Variants in JAZF1 observed in about 807,000 individuals in gnomAD.
JAZF1 encodes JAZF zinc finger 1.
A neutral mutation model predicts 26.4 loss-of-function variants in JAZF1; 8 were observed. The observed-to-expected ratio is 0.30, with a 90% CI of 0.18 to 0.55. The LOEUF is 0.55. Among genes scored for constraint, JAZF1 ranks in the 20% least tolerant of loss-of-function variants. The pLI is 0.94. For missense variants in JAZF1, 199 were observed against 322.0 expected (o/e 0.62, Z 2.92); for synonymous variants, 126 against 122.3 (o/e 1.03, Z -0.20).
At chr7:28,005,780 T>C (rs1482371547) in intron 1 of JAZF1, among the ~76,000 whole-genome samples, 1 of 151,878 alleles carries the variant, frequency 6.6e-6, no homozygotes, top group African/African-American at 2.4e-5. Flanking sequence ...GTCTGGGAAG[T>C]CCCTGGACCT....
intron 1 of JAZF1, among the ~76,000 whole-genome samples, chr7:28,032,215 T>C (rs1279077137): frequency 6.6e-6 from 1 of 152,218 alleles, no homozygotes; most frequent in East Asian, 1.9e-4. Context: ...ACCTTCTCCT[T>C]CTCTCTTCTT....
intron 1 of JAZF1, among the ~76,000 whole-genome samples, chr7:28,134,994 CT>C (rs1457523194): frequency 6.6e-6 from 1 of 152,188 alleles, no homozygotes; most frequent in African/African-American, 2.4e-5. Context: ...TATACTTGCA[CT>C]ATTACTTAAA....
intron 1 of JAZF1, among the ~76,000 whole-genome samples, chr7:28,166,039 G>A (rs1374978092): frequency 6.6e-6 from 1 of 152,000 alleles, no homozygotes; most frequent in African/African-American, 2.4e-5. Flanking sequence ...AGCCTGTTTT[G>A]TTAGACAAAA....
In JAZF1 at chr7:28,109,042, G is replaced by A. The variant is rs566748894; in HGVS notation, c.115+71421C>T. Among the ~76,000 whole-genome samples the A allele has an allele frequency of 2.6e-5, 4 of 152,348 alleles. No individual in the cohort carries two copies. In the South Asian group the frequency reaches 6.2e-4, roughly 24 times the overall value. On this transcript the variant is annotated intron_variant, in intron 1 of 4. Transcript: ENST00000283928. ...GGTAGAATTAGAATGGTGGTTGCCA[G>A]GGGCTGGGGGTGGATGGCTGGAGGA...
In JAZF1 at chr7:28,049,072, CCTCTCTCT is replaced by C. The variant is rs1182638919; in HGVS notation, c.116-57099_116-57092del. ...TCCCCTCCCCTCCCCTCCCTCCCTT[CCTCTCTCT>C]CTCTCTCTCTCTTTCTTTCTTTGAC... On this transcript the variant is annotated intron_variant, in intron 1 of 4. Transcript: ENST00000283928. Among the ~76,000 whole-genome samples, 2,624 of 113,576 alleles carry C rather than the reference CCTCTCTCT, an allele frequency of 0.023. 208 individuals carry two copies. In the East Asian group the frequency reaches 0.3, roughly 13 times the overall value. 74.5% of individuals were successfully genotyped at this position (113,576 alleles called of 152,430 possible). A position where few individuals can be genotyped will look rare whatever the true frequency, so the allele number is the denominator to read the frequency against.
chr7:28,018,680 C>T (rs536106873), intron 1 of JAZF1, among the ~76,000 whole-genome samples: 2 of 152,304 alleles, frequency 1.3e-5, no homozygotes, highest in East Asian at 1.9e-4. Context: ...CCCCCAAATA[C>T]AGCAGAGGCT....
chr7:27,872,628 G>C (rs761209047), intron 3 of JAZF1, among the ~76,000 whole-genome samples: 3 of 152,132 alleles, frequency 2.0e-5, no homozygotes, highest in Admixed American at 6.5e-5. Context: ...AGTTGAACTG[G>C]GGAAAATGAA....
chr7:28,054,254 G>A (rs928804805), intron 1 of JAZF1, among the ~76,000 whole-genome samples: 1 of 152,120 alleles, frequency 6.6e-6, no homozygotes, highest in Non-Finnish European at 1.5e-5. Flanking sequence ...ATTTGCTCTA[G>A]CATAAAACTG....
intron 2 of JAZF1, among the ~76,000 whole-genome samples, chr7:27,897,387 G>A (rs756489137): frequency 7.9e-5 from 12 of 152,220 alleles, no homozygotes; most frequent in Non-Finnish European, 1.5e-4. Context: ...GAGGCAAGTT[G>A]ATAAACTTCT....
chr7:27,959,743 T>C (rs1583481271), intron 2 of JAZF1, among the ~76,000 whole-genome samples: 2 of 151,654 alleles, frequency 1.3e-5, no homozygotes, highest in African/African-American at 4.8e-5. Flanking sequence ...CTACTAAAAA[T>C]AAAAAAATTA....
In JAZF1 at chr7:27,905,983, T is replaced by C. The variant is rs191663430; in HGVS notation, c.189-10567A>G. Among the ~76,000 whole-genome samples the C allele has an allele frequency of 4.6e-5, 7 of 152,358 alleles. No individual in the cohort carries two copies. In the East Asian group the frequency reaches 1.3e-3, roughly 29 times the overall value. On this transcript the variant is annotated intron_variant, in intron 2 of 4. Transcript: ENST00000283928. The stretch of plus-strand genomic sequence containing the variant: ...ATAGTATTATTTATAACATACTGTT[T>C]ACAATTATTCTCTAGATGCAAATTT...
chr7:28,050,072 T>C (rs34084401), intron 1 of JAZF1, among the ~76,000 whole-genome samples: 27,775 of 151,354 alleles, frequency 0.18, 2,724 homozygotes, highest in South Asian at 0.26. Flanking sequence ...CCACCAAGAG[T>C]TGCCTCATTA....
rs536108082 is a variant in JAZF1 at position 27,831,099 on chromosome 7, T to C, written c.*1701A>G. ...CATGTCTGGATCACCCTTTTAAACA[T>C]AGGATAACACTGTATATTCAGGACC... On this transcript the variant is annotated 3_prime_UTR_variant, in exon 5 of 5. Coordinates refer to ENST00000283928, the MANE Select transcript of JAZF1 (RefSeq NM_175061.4). The C allele has an allele frequency of 2.7e-4, 60 of 223,242 alleles. No homozygotes were observed. The highest frequency in any genetic ancestry group is 1.0e-3 in the African/African-American group (45 of 44,880). The allele number at this position is 223,242 out of a possible 1,614,324, so 13.8% of individuals were successfully genotyped here.
chr7:27,921,335 CTT>C (rs111359758), intron 2 of JAZF1, among the ~76,000 whole-genome samples: 5 of 139,686 alleles, frequency 3.6e-5, no homozygotes, highest in African/African-American at 7.8e-5. Flanking sequence ...CAGCAAGTAT[CTT>C]TTTTTTTTTT....
intron 1 of JAZF1, among the ~76,000 whole-genome samples, chr7:28,157,108 C>G (rs1335461636): frequency 6.6e-6 from 1 of 152,230 alleles, no homozygotes; most frequent in Non-Finnish European, 1.5e-5. Flanking sequence ...TCAATCTCCT[C>G]TCTCCTTCCT....
intron 1 of JAZF1, among the ~76,000 whole-genome samples, chr7:28,086,486 C>T (rs1173059371): frequency 3.9e-5 from 6 of 152,188 alleles, no homozygotes; most frequent in African/African-American, 1.4e-4. Flanking sequence ...GTTCAAGTTT[C>T]ACCACGAGCA....
At chr7:28,076,627 T>C (rs1368222997) in intron 1 of JAZF1, among the ~76,000 whole-genome samples, 1 of 150,366 alleles carries the variant, frequency 6.7e-6, no homozygotes, top group Admixed American at 6.7e-5. Context: ...AAAATCCAAG[T>C]GGAATTCAGA....
chr7:28,128,227 T>C (rs1782730437), intron 1 of JAZF1, among the ~76,000 whole-genome samples: 3 of 152,122 alleles, frequency 2.0e-5, no homozygotes, highest in Non-Finnish European at 1.5e-5. Flanking sequence ...GAGAACTTAC[T>C]AGAAATGCAT....
chr7:28,161,257 T>A (rs1488095117), intron 1 of JAZF1, among the ~76,000 whole-genome samples: 220 of 77,080 alleles, frequency 2.9e-3, no homozygotes, highest in East Asian at 4.4e-3. Flanking sequence ...TCCTTTAATC[T>A]AAAAAAAAAA....
Sources: gnomAD v4.1 joint callset for allele counts (sites outside exome capture counted in the v4.1 genomes callset) on GRCh38, gnomAD v4.1.1 for gene constraint, MANE v1.5 for transcripts, NCBI Gene and HGNC (gene_info 2026-07-23, HGNC 2026-07-21) for gene names.